Variants in PUM2 observed in about 807,000 individuals in gnomAD.
PUM2 encodes the protein pumilio homolog 2.
A neutral mutation model predicts 124.5 loss-of-function variants in PUM2; 57 were observed. That is an observed-to-expected ratio of 0.46 (90% CI 0.37 to 0.57). The LOEUF (loss-of-function observed/expected upper bound fraction) is 0.57, where lower values mean the gene tolerates loss of function less well. Among genes scored for constraint, PUM2 ranks in the 20% least tolerant of loss-of-function variants. PUM2 has a pLI of 0.00. For missense variants in PUM2, 1,065 were observed against 1,290.6 expected (o/e 0.83, Z 2.68); for synonymous variants, 460 against 446.1 (o/e 1.03, Z -0.39).
At chr2:20,325,681 G>C (rs1683514777) in intron 2 of PUM2, among the ~76,000 whole-genome samples, 1 of 151,618 alleles carries the variant, frequency 6.6e-6, no homozygotes, top group Admixed American at 6.6e-5. Context: ...GAGAGCAGTG[G>C]TGCAATCTCG....
chr2:20,333,045 T>C (rs1440869499), intron 1 of PUM2: 1 of 152,214 alleles, frequency 6.6e-6, no homozygotes, highest in Admixed American at 6.5e-5. Context: ...AAAGTCATTT[T>C]TGAGGTTATG....
chr2:20,256,370 T>C lies in PUM2; in HGVS notation c.2485-200A>G, dbSNP rs141450280. The stretch of plus-strand genomic sequence containing the variant: ...GGGTTTAAATTTTTTTCTCTTGTAG[T>C]ATAATTAGCAGAAACCATTGAAAAG... On this transcript the variant is annotated intron_variant, in intron 16 of 20. Transcript: ENST00000361078. 7.7e-4 allele frequency among the ~76,000 whole-genome samples: 118 copies of C among 152,330 alleles called. 1 individual carries two copies. The highest frequency in any genetic ancestry group is 5.9e-3 in the Admixed American group (91 of 15,300).
intron 10 of PUM2, among the ~76,000 whole-genome samples, chr2:20,284,477 T>C (rs567087689): frequency 6.6e-6 from 1 of 152,250 alleles, no homozygotes; most frequent in Non-Finnish European, 1.5e-5. Context: ...CGCCTCAGCA[T>C]CCTAAGTGGC....
intron 10 of PUM2, among the ~76,000 whole-genome samples, chr2:20,288,503 T>TA (rs1438336719): frequency 6.6e-6 from 1 of 152,176 alleles, no homozygotes; most frequent in African/African-American, 2.4e-5. Flanking sequence ...AGAGCAGAGA[T>TA]AAAGCTTTTT....
At chr2:20,347,455 C>T (rs1485761240) in intron 1 of PUM2, among the ~76,000 whole-genome samples, 1 of 152,102 alleles carries the variant, frequency 6.6e-6, no homozygotes, top group East Asian at 1.9e-4. Flanking sequence ...TTATCACGCA[C>T]CTACCTAATA....
At position 20,253,883 on chromosome 2, in the gene PUM2, T is replaced by A; in HGVS notation, c.3002A>T (p.Tyr1001Phe). 1 of 1,614,070 alleles carries A rather than the reference T, an allele frequency of 6.2e-7. No individual in the cohort carries two copies. The highest frequency in any genetic ancestry group is 8.5e-7 in the Non-Finnish European group (1 of 1,179,920). Reference protein sequence around the residue: ...YTMMKDQYANYVVQKMIDMAE... With the variant: ...YTMMKDQYANFVVQKMIDMAE... Reference sequence around the variant, plus strand: ...CATATCAATCATCTTTTGAACCACGTAATTGGCATACTGGTCCTTCATCAT... The same window carrying A: ...CATATCAATCATCTTTTGAACCACGAAATTGGCATACTGGTCCTTCATCAT... Residue 1001 changes from tyrosine to phenylalanine, a missense_variant, in exon 20 of 21, where the codon TAC becomes TTC. By Grantham distance (22) the Tyr-to-Phe change is conservative. This residue lies in a region of PUM2 where 968 missense variants were observed against 1,159.8 expected (regional missense o/e 0.83). Transcript: ENST00000361078.
intron 10 of PUM2, among the ~76,000 whole-genome samples, chr2:20,286,217 A>G (rs1207228286): frequency 6.6e-6 from 1 of 152,204 alleles, no homozygotes; most frequent in East Asian, 1.9e-4. Flanking sequence ...AAGAGGGACA[A>G]GAAGATGTGA....
intron 16 of PUM2, 108 bp downstream of exon 16, chr2:20,258,135 G>A: frequency 1.9e-6 from 2 of 1,035,670 alleles, no homozygotes; most frequent in Non-Finnish European, 1.4e-6. Context: ...GTCTAGTTGT[G>A]GAAATATTTA....
At chr2:20,305,897 A>C (rs1415418041) in intron 7 of PUM2, among the ~76,000 whole-genome samples, 1 of 152,224 alleles carries the variant, frequency 6.6e-6, no homozygotes, top group Non-Finnish European at 1.5e-5. Context: ...ACTTGAACAA[A>C]AATAAAGACA....
chr2:20,254,076 G>T, intron 19 of PUM2, 62 bp from the exon 20 acceptor site: 1 of 1,419,354 alleles, frequency 7.0e-7, no homozygotes, highest in Non-Finnish European at 9.7e-7. Flanking sequence ...AAATTTCCTT[G>T]ACTTATAGAA....
At chr2:20,305,086 G>C (rs1677896673) in intron 7 of PUM2, among the ~76,000 whole-genome samples, 1 of 152,006 alleles carries the variant, frequency 6.6e-6, no homozygotes, top group Non-Finnish European at 1.5e-5. Context: ...ATGCTTTCTA[G>C]GTTTTCAAAT....
chr2:20,292,299 T>G (rs940365683), intron 9 of PUM2, among the ~76,000 whole-genome samples: 4 of 149,168 alleles, frequency 2.7e-5, no homozygotes, highest in African/African-American at 9.8e-5. Flanking sequence ...GTTGGTAGTT[T>G]TTTTTTTTTT....
At chr2:20,299,251 G>A (rs925839827) in intron 7 of PUM2, among the ~76,000 whole-genome samples, 11 of 152,168 alleles carry the variant, frequency 7.2e-5, no homozygotes, top group African/African-American at 2.4e-4. Context: ...TGGGTAGACA[G>A]TGTTGGAACT....
chr2:20,285,589 A>AT (rs1440905874), intron 10 of PUM2, among the ~76,000 whole-genome samples: 15 of 152,006 alleles, frequency 9.9e-5, no homozygotes, highest in South Asian at 2.1e-4. Context: ...ACAGCATGAT[A>AT]TTTTTTCCCA....
chr2:20,316,071 TA>T (rs1483392661), intron 3 of PUM2, among the ~76,000 whole-genome samples: 1 of 152,164 alleles, frequency 6.6e-6, no homozygotes, highest in Non-Finnish European at 1.5e-5. Context: ...AGGTTAATTC[TA>T]ATTCAGAAAA....
chr2:20,300,111 C>A (rs1246047053), intron 7 of PUM2, among the ~76,000 whole-genome samples: 1 of 152,014 alleles, frequency 6.6e-6, no homozygotes, highest in African/African-American at 2.4e-5. Flanking sequence ...CATGTCCAAC[C>A]CCTACTTCCC....
At chr2:20,272,155 A>AAATGAATGAATGAATGAATGAATGAATG (rs60522777) in intron 13 of PUM2, among the ~76,000 whole-genome samples, 2 of 148,168 alleles carry the variant, frequency 1.3e-5, no homozygotes, top group African/African-American at 2.5e-5. Flanking sequence ...AGACTTCGTC[A>AAATGAATGAATGAATGAATGAATGAATG]AATGAATGAA....
At chr2:20,317,035 G>GA (rs200496647) in intron 3 of PUM2, among the ~76,000 whole-genome samples, 28 of 144,760 alleles carry the variant, frequency 1.9e-4, no homozygotes, top group South Asian at 2.2e-4. Flanking sequence ...TGTCTCAGGG[G>GA]AAAAAAAAAA....
At chr2:20,343,116 T>C (rs1573028467) in intron 1 of PUM2, among the ~76,000 whole-genome samples, 1 of 147,896 alleles carries the variant, frequency 6.8e-6, no homozygotes, top group Non-Finnish European at 1.5e-5. Context: ...AATTATATAT[T>C]TTTAAAAGAG....
Sources: allele counts gnomAD v4.1 joint callset (sites outside exome capture counted in the v4.1 genomes callset), GRCh38; gene constraint gnomAD v4.1.1; regional missense constraint gnomAD v4.1.1; transcripts MANE v1.5; gene names NCBI Gene and HGNC (gene_info 2026-07-23, HGNC 2026-07-21).